The following ZZZ3 variants were observed in gnomAD, a reference collection of about 807,000 sequenced individuals.
ZZZ3 encodes the protein zinc finger ZZ-type containing 3.
A neutral mutation model predicts 95.2 loss-of-function variants in ZZZ3; 22 were observed. The observed-to-expected ratio is 0.23, with a 90% CI of 0.17 to 0.33. The LOEUF (loss-of-function observed/expected upper bound fraction) is 0.33, where lower values mean the gene tolerates loss of function less well. ZZZ3 is among the 10% of genes least tolerant of loss of function. The probability of loss-of-function intolerance (pLI) is 1.00; values close to 1 mark genes in which losing one functional copy is unlikely to be tolerated. For synonymous variants in ZZZ3, 335 were observed against 358.9 expected (o/e 0.93, Z 0.75); for missense variants, 885 against 1,066.5 (o/e 0.83, Z 2.37).
At chr1:77,676,024 T>C (rs1240216066) in intron 1 of ZZZ3, among the ~76,000 whole-genome samples, 2 of 152,218 alleles carry the variant, frequency 1.3e-5, no homozygotes, top group African/African-American at 4.8e-5. Context: ...CTAAATATCT[T>C]AGAGGTATAT....
At chr1:77,662,102 C>T (rs1386110878) in intron 1 of ZZZ3, among the ~76,000 whole-genome samples, 1 of 151,964 alleles carries the variant, frequency 6.6e-6, no homozygotes, top group Non-Finnish European at 1.5e-5. Flanking sequence ...CAACCTCTGC[C>T]TCCCAGGTTC....
At chr1:77,652,654 T>C (rs1486567781) in intron 1 of ZZZ3, among the ~76,000 whole-genome samples, 6 of 152,194 alleles carry the variant, frequency 3.9e-5, no homozygotes, top group South Asian at 2.1e-4. Flanking sequence ...AAAATGTTCA[T>C]AGCAGCATTA....
chr1:77,581,608 G>A (rs753363611), intron 8 of ZZZ3, among the ~76,000 whole-genome samples, 168 bp downstream of exon 8: 1 of 152,172 alleles, frequency 6.6e-6, no homozygotes. Flanking sequence ...GAAGGTTCAC[G>A]GCTAGTAAGT....
At chr1:77,567,358 T>A (rs1412046640) in intron 13 of ZZZ3, among the ~76,000 whole-genome samples, 1 of 152,214 alleles carries the variant, frequency 6.6e-6, no homozygotes, top group Non-Finnish European at 1.5e-5. Context: ...CTAATTAAGT[T>A]TCCATACTAT....
Position 77,651,560 on chromosome 1 carries a change from T to C in ZZZ3, c.-402-9905A>G, listed in dbSNP as rs533344939. 3.9e-5 allele frequency among the ~76,000 whole-genome samples: 6 copies of C among 152,182 alleles called. No homozygotes were observed. In the South Asian group the frequency reaches 8.3e-4, roughly 21 times the overall value. ...AAATTAATAAAAACAAAAAACAGAATGGTGGTTGCCAGGGACTAAGGGAGG... is the reference window on the plus strand; with the variant it reads ...AAATTAATAAAAACAAAAAACAGAACGGTGGTTGCCAGGGACTAAGGGAGG... On this transcript the variant is annotated intron_variant, in intron 1 of 14. Transcript: ENST00000370801.
chr1:77,573,215 GT>G (rs749444064), intron 12 of ZZZ3, among the ~76,000 whole-genome samples: 48 of 152,050 alleles, frequency 3.2e-4, no homozygotes, highest in Non-Finnish European at 5.6e-4. Context: ...TGCCTCCCGG[GT>G]TCAGGCAATT....
chr1:77,600,075 G>A (rs1664585529), intron 5 of ZZZ3, among the ~76,000 whole-genome samples: 1 of 151,826 alleles, frequency 6.6e-6, no homozygotes, highest in Non-Finnish European at 1.5e-5. Flanking sequence ...TAATTTGGAA[G>A]GTAGACTACA....
intron 5 of ZZZ3, among the ~76,000 whole-genome samples, chr1:77,593,956 T>A (rs921816003): frequency 6.6e-6 from 1 of 152,180 alleles, no homozygotes; most frequent in African/African-American, 2.4e-5. Flanking sequence ...GCTTTTTTTC[T>A]AAGCAAAACA....
intron 5 of ZZZ3, among the ~76,000 whole-genome samples, chr1:77,601,350 A>C (rs1664709452): frequency 6.6e-6 from 1 of 152,186 alleles, no homozygotes; most frequent in Non-Finnish European, 1.5e-5. Flanking sequence ...TGAGGGTCAA[A>C]CCTAGATTTC....
intron 1 of ZZZ3, among the ~76,000 whole-genome samples, chr1:77,656,592 G>C (rs549657199): frequency 3.7e-4 from 56 of 152,312 alleles, no homozygotes; most frequent in African/African-American, 1.3e-3. Context: ...GTCAAGGTCT[G>C]AATATCAAAA....
chr1:77,592,609 A>G (rs1025628085), intron 5 of ZZZ3, among the ~76,000 whole-genome samples: 1 of 152,108 alleles, frequency 6.6e-6, no homozygotes, highest in Non-Finnish European at 1.5e-5. Context: ...GCCTGCTCAC[A>G]TTAAAAAATT....
At chr1:77,639,918 C>A (rs926279286) in intron 3 of ZZZ3, among the ~76,000 whole-genome samples, 1 of 140,382 alleles carries the variant, frequency 7.1e-6, no homozygotes. Flanking sequence ...TTTTTTTTTG[C>A]GGTGATAAAG....
At position 77,632,894 on chromosome 1, in the gene ZZZ3, T is replaced by A. The variant is rs1163891785; in HGVS notation, c.461A>T (p.Asp154Val). The change falls in exon 5 of 15, where the codon GAT becomes GTT. Residue 154 changes from aspartate to valine, a missense_variant. Physicochemically the swap from Asp to Val is radical, Grantham distance 152 (BLOSUM62 -3). This residue lies in a region of ZZZ3 where 556 missense variants were observed against 652.9 expected (regional missense o/e 0.85). Coordinates refer to ENST00000370801, the MANE Select transcript of ZZZ3 (RefSeq NM_015534.6). The part of the protein sequence containing the change: ...VEQRSTVVDN[D>V]ADFQGTKRAC... ...TCGTTTAGTCCCTTGAAAATCTGCA[T>A]CATTGTCCACTACTGTACTCCTCTG... 6.2e-7 allele frequency: 1 copy of A among 1,614,188 alleles called. No individual in the cohort carries two copies. The highest frequency in any genetic ancestry group is 8.5e-7 in the Non-Finnish European group (1 of 1,180,032).
At chr1:77,634,710 T>C (rs1358546500) in intron 4 of ZZZ3, among the ~76,000 whole-genome samples, 3 of 152,168 alleles carry the variant, frequency 2.0e-5, no homozygotes, top group Non-Finnish European at 4.4e-5. Context: ...TTGAGGTTTA[T>C]ATGACAGAAA....
chr1:77,682,843 T>G (rs1340899478), upstream of ZZZ3, among the ~76,000 whole-genome samples: 1 of 152,224 alleles, frequency 6.6e-6, no homozygotes, highest in Non-Finnish European at 1.5e-5. Flanking sequence ...TTTATACGTC[T>G]CCTCCTTTCC....
At chr1:77,659,941 T>C (rs1670638244) in intron 1 of ZZZ3, among the ~76,000 whole-genome samples, 1 of 152,064 alleles carries the variant, frequency 6.6e-6, no homozygotes, top group Non-Finnish European at 1.5e-5. Flanking sequence ...CAAGCGATAC[T>C]CCTGCTTTAG....
At chr1:77,618,477 A>G (rs1666544774) in intron 5 of ZZZ3, among the ~76,000 whole-genome samples, 1 of 152,092 alleles carries the variant, frequency 6.6e-6, no homozygotes. Context: ...GAAAGTGTGC[A>G]AAAAACATTA....
intron 5 of ZZZ3, among the ~76,000 whole-genome samples, chr1:77,589,051 AT>A (rs1337141912): frequency 6.6e-6 from 1 of 152,016 alleles, no homozygotes; most frequent in Non-Finnish European, 1.5e-5. Context: ...TACTTTTTAA[AT>A]TTTTTGTAGA....
At chr1:77,678,682 T>C (rs926809222) in intron 1 of ZZZ3, among the ~76,000 whole-genome samples, 3 of 152,224 alleles carry the variant, frequency 2.0e-5, no homozygotes, top group African/African-American at 7.2e-5. Flanking sequence ...CCCCTGTAGA[T>C]GACATTTCAG....
Sources: gnomAD v4.1 joint callset for allele counts (sites outside exome capture counted in the v4.1 genomes callset) on GRCh38, gnomAD v4.1.1 for gene constraint, gnomAD v4.1.1 regional missense constraint, MANE v1.5 for transcripts, NCBI Gene and HGNC (gene_info 2026-07-23, HGNC 2026-07-21) for gene names.